Variants in MRC2 observed in about 807,000 individuals in gnomAD.
MRC2 encodes mannose receptor C-type 2.
MRC2 carries 84 observed loss-of-function variants against 206.2 expected under a neutral mutation model. The ratio of observed to expected loss-of-function variants is 0.41; its 90% CI spans 0.34 to 0.49. MRC2 has a LOEUF of 0.49. MRC2 is among the 20% of genes least tolerant of loss of function. The pLI is 0.31. For synonymous variants in MRC2, 798 were observed against 800.0 expected, an observed-to-expected ratio of 1.00 and a Z score of 0.04; for missense variants, 1,676 against 2,001.5, an observed-to-expected ratio of 0.84 and a Z score of 3.10.
chr17:62,669,121 CACACAA>C (rs2088794110), intron 6 of MRC2, among the ~76,000 whole-genome samples: 1 of 148,916 alleles, frequency 6.7e-6, no homozygotes, highest in South Asian at 2.2e-4. Context: ...CACACACACA[CACACAA>C]CACTAACTAC....
In MRC2 at chr17:62,667,488, G is replaced by A. The variant is rs1308454195; in HGVS notation, c.1072G>A (p.Val358Met). The change falls in exon 6 of 30, where the codon GTG (valine) becomes ATG (methionine). Residue 358 changes from valine (V) to methionine (M), a missense_variant. This residue lies in a region of MRC2 where 1,354 missense variants were observed against 1,636.6 expected (regional missense o/e 0.83). Coordinates refer to ENST00000303375, the MANE Select transcript of MRC2 (RefSeq NM_006039.5). The surrounding 1 kb of genome is among the most constrained non-coding windows in gnomAD (Gnocchi z 4.1). ...NRDCSIALPY[V>M]CKKKPNATAE... is the part of the protein sequence containing the mutation. ...TGACTGCAGCATCGCGCTGCCCTAT[G>A]TGTGCAAGAAGAAGCCCAACGCCAC... 6.2e-7 allele frequency: 1 copy of A among 1,612,616 alleles called. No homozygotes were observed. The highest frequency in any genetic ancestry group is 8.5e-7 in the Non-Finnish European group (1 of 1,179,716).
At chr17:62,638,009 G>A (rs1300747371) in intron 1 of MRC2, among the ~76,000 whole-genome samples, 1 of 151,964 alleles carries the variant, frequency 6.6e-6, no homozygotes, top group Non-Finnish European at 1.5e-5. Context: ...GACGACAGGC[G>A]GCGCCACCAC....
chr17:62,635,704 G>A (rs758309429), intron 1 of MRC2, among the ~76,000 whole-genome samples: 5 of 152,116 alleles, frequency 3.3e-5, no homozygotes, highest in African/African-American at 7.2e-5. Context: ...ACTCCAGTGC[G>A]TTTGGAGGCC....
chr17:62,690,981 G>A lies in MRC2; in HGVS notation c.4045G>A (p.Val1349Met). Residue 1349 changes from valine to methionine, a missense_variant, in exon 28 of 30, where the codon GTG becomes ATG. Physicochemically the swap from Val to Met is conservative, Grantham distance 21. Coordinates refer to ENST00000303375, the MANE Select transcript of MRC2 (RefSeq NM_006039.5). ...GTLVWQDNTA[V>M]NYSNWGPPGL... ...TCTGGTCTGGCAGGACAACACAGCT[G>A]TGAACTACTCCAACTGGGGGCCCCC... is the stretch of plus-strand genomic sequence containing the variant. The A allele has an allele frequency of 6.2e-7, 1 of 1,608,626 alleles. No individual in the cohort carries two copies. Among genetic ancestry groups the A allele is most frequent in the Non-Finnish European group, 8.5e-7 (1 of 1,178,332 alleles).
At position 62,652,457 on chromosome 17, in the gene MRC2, G is replaced by A. The variant is rs951398580; in HGVS notation, c.119-12091G>A. ...CCCCCGCGCTCCGGGTCCCATTCCC[G>A]AATTCTGCCCTCAGCGGCCTGGTCA... On this transcript the variant is annotated intron_variant, in intron 1 of 29. Transcript: ENST00000303375. The surrounding 1 kb of genome is among the most constrained non-coding windows in gnomAD (Gnocchi z 4.6). Among the ~76,000 whole-genome samples the A allele has an allele frequency of 3.9e-5, 6 of 152,218 alleles. No homozygotes were observed. The highest frequency in any genetic ancestry group is 7.3e-5 in the Non-Finnish European group (5 of 68,050).
chr17:62,674,142 C>A lies in MRC2; in HGVS notation c.1541C>A (p.Ala514Asp). 1 of 1,552,708 alleles carries A rather than the reference C, an allele frequency of 6.4e-7. No individual in the cohort carries two copies. The highest frequency in any genetic ancestry group is 8.7e-7 in the Non-Finnish European group (1 of 1,147,818). The change falls in exon 9 of 30, where the codon GCC becomes GAC. Residue 514 changes from alanine to aspartate, a missense_variant. Coordinates refer to ENST00000303375, the MANE Select transcript of MRC2 (RefSeq NM_006039.5). ...AAGGCAGGCCAGCTGAGCCAGGGGG[C>A]CGCCGAGGAGGACCATGGCTGCCGG... ...CKKAGQLSQG[A>D]AEEDHGCRKG...
In MRC2 at chr17:62,688,671, ATGCCCTCCC is replaced by A; in HGVS notation, c.3225+10_3225+18del. 6.2e-7 allele frequency: 1 copy of A among 1,613,260 alleles called. No individual in the cohort carries two copies. The highest frequency in any genetic ancestry group is 8.5e-7 in the Non-Finnish European group (1 of 1,179,802). ...TCCCAGTGGCAACAAACCGGTGAGG[ATGCCCTCCC>A]TGTTCCCCTCCGCACCGCGCTGCCC... is the stretch of plus-strand genomic sequence containing the variant. On this transcript the variant is annotated splice_region_variant and intron_variant, in intron 22 of 29. Transcript: ENST00000303375.
At chr17:62,631,720 CG>C (rs2084217616) in intron 1 of MRC2, among the ~76,000 whole-genome samples, 1 of 151,986 alleles carries the variant, frequency 6.6e-6, no homozygotes, top group African/African-American at 2.4e-5. Flanking sequence ...TGGACCGAGC[CG>C]CCTGCAGTGT....
At chr17:62,640,097 C>G (rs2088382025) in intron 1 of MRC2, among the ~76,000 whole-genome samples, 1 of 142,634 alleles carries the variant, frequency 7.0e-6, no homozygotes, top group Non-Finnish European at 1.5e-5. Flanking sequence ...TCTCGAACTC[C>G]TGACCTCAGG....
At chr17:62,656,247 A>G (rs2088618311) in intron 1 of MRC2, among the ~76,000 whole-genome samples, 2 of 152,062 alleles carry the variant, frequency 1.3e-5, no homozygotes, top group African/African-American at 2.4e-5. Flanking sequence ...GAGTTTCACC[A>G]TGTTGGCCAG....
rs1229408370 is a variant in MRC2 at position 62,666,985 on chromosome 17, A to T, written c.973+115A>T. ...GAGGGGCAGTGTGGGTAGGGGAAGC[A>T]CCGACCTCCACCCCCCTCCCCAGAC... On this transcript the variant is annotated intron_variant, in intron 5 of 29. Transcript: ENST00000303375. This position sits in a 1 kb window ranked among gnomAD's most constrained non-coding sequence, Gnocchi z 5.0. 5.1e-6 allele frequency: 4 copies of T among 785,686 alleles called. No homozygotes were observed. Among genetic ancestry groups the T allele is most frequent in the African/African-American group, 1.7e-5 (1 of 58,280 alleles). The allele number at this position is 785,686 out of a possible 1,614,324, so 48.7% of individuals were successfully genotyped here. A position where few individuals can be genotyped will look rare whatever the true frequency, so the allele number is the denominator to read the frequency against.
At chr17:62,674,258 T>C in intron 9 of MRC2, 88 bp downstream of exon 9, 1 of 904,000 alleles carries the variant, frequency 1.1e-6, no homozygotes, top group Non-Finnish European at 1.6e-6. Flanking sequence ...TCCTGCTGCC[T>C]CGCATGGCAT....
At chr17:62,676,606 C>A (rs1292796526) in intron 11 of MRC2, 75 bp downstream of exon 11, 1 of 1,506,426 alleles carries the variant, frequency 6.6e-7, no homozygotes, top group African/African-American at 1.4e-5. Flanking sequence ...CAGCACCGAG[C>A]CCCAGGGCTT....
chr17:62,659,137 T>C (rs2088651809), intron 1 of MRC2, among the ~76,000 whole-genome samples: 1 of 152,166 alleles, frequency 6.6e-6, no homozygotes, highest in African/African-American at 2.4e-5. Context: ...AGGGTCTCTC[T>C]GGGGTGTCTT....
At chr17:62,636,053 C>A (rs987920414) in intron 1 of MRC2, among the ~76,000 whole-genome samples, 2 of 151,800 alleles carry the variant, frequency 1.3e-5, no homozygotes, top group Admixed American at 6.6e-5. Flanking sequence ...TCCCAAAGTG[C>A]TAGGATTACA....
chr17:62,680,375 AGGGTCT>A lies in MRC2; in HGVS notation c.2438-42_2438-37del, dbSNP rs1459085946. On this transcript the variant is annotated intron_variant, in intron 15 of 29. Transcript: ENST00000303375. The surrounding 1 kb of genome is among the most constrained non-coding windows in gnomAD (Gnocchi z 4.8). ...GGTGGCGGGGCCAGGAATTCCAGGG[AGGGTCT>A]CCTTTCCTCACAACGTCTTTGTCCT... 9.9e-6 allele frequency: 16 copies of A among 1,613,710 alleles called. No individual in the cohort carries two copies. The highest frequency in any genetic ancestry group is 1.3e-5 in the Non-Finnish European group (15 of 1,179,852).
rs137862360 is a variant in MRC2 at position 62,676,520 on chromosome 17, G to A, written c.1823G>A (p.Arg608Gln). 1.3e-6 allele frequency: 2 copies of A among 1,594,258 alleles called. No individual in the cohort carries two copies. Among genetic ancestry groups the A allele is most frequent in the Non-Finnish European group, 1.7e-6 (2 of 1,170,282 alleles). The change falls in exon 11 of 30, where the codon CGG becomes CAG. Residue 608 changes from arginine to glutamine, a missense_variant. Physicochemically the swap from Arg to Gln is conservative, Grantham distance 43. Around this residue, in one of 3 missense-constraint regions of MRC2, gnomAD observed 1,354 missense variants for 1,636.6 expected, o/e 0.83. Transcript: ENST00000303375. The stretch of plus-strand genomic sequence containing the variant: ...GAAGTCATGTACACCCACTGGAACC[G>A]GGACCAGCCCGGTGAGCCCCTTATT... Reference protein sequence around the residue: ...GDEVMYTHWNRDQPGYSRGGC... With the variant: ...GDEVMYTHWNQDQPGYSRGGC...
At chr17:62,685,705 A>T (rs2147489023) in intron 20 of MRC2, among the ~76,000 whole-genome samples, 1 of 152,130 alleles carries the variant, frequency 6.6e-6, no homozygotes, top group Middle Eastern at 3.4e-3. Context: ...ATGCCCAGCT[A>T]ATTTTTCTAT....
intron 1 of MRC2, among the ~76,000 whole-genome samples, chr17:62,628,315 G>A (rs1252092046): frequency 1.3e-5 from 2 of 152,172 alleles, no homozygotes; most frequent in African/African-American, 2.4e-5. Flanking sequence ...CTCTGTCCGG[G>A]AGTTCCCGGG....
Sources: allele counts gnomAD v4.1 joint callset (sites outside exome capture counted in the v4.1 genomes callset), GRCh38; gene constraint gnomAD v4.1.1; regional missense constraint gnomAD v4.1.1; non-coding constraint Gnocchi (gnomAD v3.1); transcripts MANE v1.5; gene names NCBI Gene and HGNC (gene_info 2026-07-23, HGNC 2026-07-21).